The following FALEC variants were observed in gnomAD, a reference collection of about 807,000 sequenced individuals.
The protein encoded by FALEC is focally amplified lncRNA on chromosome 1.
chr1:150,526,281 C>T, the FALEC span, among the ~76,000 whole-genome samples: 3 of 142,458 alleles, frequency 2.1e-5, no homozygotes, highest in Admixed American at 2.3e-4. Flanking sequence ...ACTCGGGAGG[C>T]GGAGCTTGCA....
chr1:150,532,704 T>C, the FALEC span, among the ~76,000 whole-genome samples: 3 of 151,328 alleles, frequency 2.0e-5, no homozygotes, highest in African/African-American at 4.9e-5. Context: ...TTCTGGGAGA[T>C]GACAGGCAAG....
chr1:150,525,739 A>G, the FALEC span, among the ~76,000 whole-genome samples: 670 of 152,218 alleles, frequency 4.4e-3, 9 homozygotes, highest in African/African-American at 0.015. Flanking sequence ...ACAACCTCAG[A>G]TTGCTGGGCT....
downstream of FALEC, among the ~76,000 whole-genome samples, chr1:150,522,917 A>G (rs1670669845): frequency 2.0e-5 from 2 of 99,274 alleles, no homozygotes; most frequent in South Asian, 2.7e-4. Context: ...ATATATACAT[A>G]TATATATACA....
chr1:150,535,196 C>T, the FALEC span, among the ~76,000 whole-genome samples: 2 of 143,222 alleles, frequency 1.4e-5, no homozygotes, highest in East Asian at 4.0e-4. Flanking sequence ...AGCACAGTCA[C>T]CCAAACTTGT....
At chr1:150,522,856 T>TATATACAC (rs1553907904), downstream of FALEC, among the ~76,000 whole-genome samples, 52 of 116,822 alleles carry the variant, frequency 4.5e-4, no homozygotes, top group Admixed American at 7.9e-4. Context: ...TCTCTCTATA[T>TATATACAC]ATATATATAC....
the FALEC span, among the ~76,000 whole-genome samples, chr1:150,529,091 G>A: frequency 2.5e-4 from 38 of 150,218 alleles, no homozygotes; most frequent in Middle Eastern, 6.9e-3. Flanking sequence ...ATCCGTGAAA[G>A]GTGTGAATTG....
the FALEC span, among the ~76,000 whole-genome samples, chr1:150,526,305 A>C: frequency 6.8e-6 from 1 of 148,074 alleles, no homozygotes; most frequent in African/African-American, 2.5e-5. Context: ...AACCGAGATC[A>C]TGCCACTGCA....
At chr1:150,524,426 C>CA in the FALEC span, among the ~76,000 whole-genome samples, 1 of 151,960 alleles carries the variant, frequency 6.6e-6, no homozygotes, top group Non-Finnish European at 1.5e-5. Flanking sequence ...ACAAAGATGT[C>CA]AAAAAAAGTC....
chr1:150,528,519 T>G, the FALEC span, among the ~76,000 whole-genome samples: 1 of 152,058 alleles, frequency 6.6e-6, no homozygotes, highest in South Asian at 2.1e-4. Context: ...GATCAACACA[T>G]TCTGTAACAC....
chr1:150,522,969 A>T (rs1356923959), downstream of FALEC, among the ~76,000 whole-genome samples: 101 of 32,700 alleles, frequency 3.1e-3, 5 homozygotes, highest in Non-Finnish European at 4.8e-3. Context: ...ATATATATAT[A>T]TATATATATA....
downstream of FALEC, among the ~76,000 whole-genome samples, chr1:150,519,202 C>T (rs928315409): frequency 1.3e-5 from 2 of 152,134 alleles, no homozygotes; most frequent in South Asian, 2.1e-4. Flanking sequence ...TTCCTGATGA[C>T]GCCCTCCTCC....
intron 1 of FALEC, among the ~76,000 whole-genome samples, chr1:150,516,832 A>G (rs1339457154): frequency 6.6e-6 from 1 of 152,198 alleles, no homozygotes; most frequent in African/African-American, 2.4e-5. Context: ...GCAGAGTGCT[A>G]AAAGTACTCT....
At chr1:150,534,643 A>G in the FALEC span, among the ~76,000 whole-genome samples, 1 of 152,026 alleles carries the variant, frequency 6.6e-6, no homozygotes, top group Non-Finnish European at 1.5e-5. Flanking sequence ...GGAAATCGAG[A>G]CCATCCTGGC....
downstream of FALEC, among the ~76,000 whole-genome samples, chr1:150,522,856 T>TATATACACAC (rs1553907904): frequency 3.4e-5 from 4 of 116,828 alleles, no homozygotes; most frequent in African/African-American, 1.3e-4. Context: ...TCTCTCTATA[T>TATATACACAC]ATATATATAC....
At chr1:150,516,250 A>G (rs1167779708) in intron 1 of FALEC, among the ~76,000 whole-genome samples, 2 of 152,072 alleles carry the variant, frequency 1.3e-5, no homozygotes, top group African/African-American at 4.8e-5. Context: ...CTGTCTCAAA[A>G]AAAAAAAGGG....
chr1:150,529,866 G>C, the FALEC span, among the ~76,000 whole-genome samples: 1 of 152,104 alleles, frequency 6.6e-6, no homozygotes, highest in Non-Finnish European at 1.5e-5. Context: ...CAAAGTGCTG[G>C]GATTACAGGG....
downstream of FALEC, among the ~76,000 whole-genome samples, chr1:150,520,146 G>A (rs772495974): frequency 3.9e-5 from 6 of 152,086 alleles, no homozygotes; most frequent in Admixed American, 1.3e-4. Context: ...GTGAAACTCC[G>A]TCTCAAAAAT....
chr1:150,523,090 C>T, the FALEC span, among the ~76,000 whole-genome samples: 10 of 138,906 alleles, frequency 7.2e-5, no homozygotes, highest in Non-Finnish European at 1.1e-4. Context: ...CAGGTTCAAG[C>T]GATTCTCCTG....
downstream of FALEC, among the ~76,000 whole-genome samples, chr1:150,522,527 G>A (rs1414252952): frequency 6.6e-6 from 1 of 151,506 alleles, no homozygotes; most frequent in African/African-American, 2.4e-5. Flanking sequence ...GGAGGCTGAG[G>A]CAGGAGAATC....
Sources: allele counts gnomAD v4.1 joint callset (sites outside exome capture counted in the v4.1 genomes callset), GRCh38; gene constraint gnomAD v4.1.1; transcripts MANE v1.5; gene names NCBI Gene and HGNC (gene_info 2026-07-23, HGNC 2026-07-21).